PCLO: variants seen among roughly 807,000 people sequenced by gnomAD.
The protein encoded by PCLO is protein piccolo.
In PCLO, 82 loss-of-function variants were observed where a neutral mutation model predicts 427.5. The observed-to-expected ratio is 0.19, with a 90% CI of 0.16 to 0.23. The LOEUF is 0.23. Among genes scored for constraint, PCLO ranks in the 10% least tolerant of loss-of-function variants. The probability of loss-of-function intolerance (pLI) is 1.00; values close to 1 mark genes in which losing one functional copy is unlikely to be tolerated. For synonymous variants in PCLO, 2,357 were observed against 2,155.4 expected (o/e 1.09, Z -2.59); for missense variants, 6,239 against 6,115.9 (o/e 1.02, Z -0.67).
chr7:82,877,493 A>C (rs1793400673), intron 10 of PCLO, among the ~76,000 whole-genome samples: 1 of 152,142 alleles, frequency 6.6e-6, no homozygotes, highest in Admixed American at 6.6e-5. Context: ...GTAACACCAA[A>C]AATTATCATT....
chr7:82,839,264 T>C (rs887853319), intron 14 of PCLO, among the ~76,000 whole-genome samples: 1 of 152,136 alleles, frequency 6.6e-6, no homozygotes, highest in Non-Finnish European at 1.5e-5. Flanking sequence ...ATGCTGCATT[T>C]ATATTTAAAA....
intron 7 of PCLO, 44 bp downstream of exon 7, chr7:82,914,642 G>A: frequency 6.3e-7 from 1 of 1,589,080 alleles, no homozygotes; most frequent in Non-Finnish European, 8.6e-7. Context: ...AAAAATAAGA[G>A]TTTGAGTTTT....
intron 6 of PCLO, among the ~76,000 whole-genome samples, chr7:82,930,939 T>C (rs1794826055): frequency 6.6e-6 from 1 of 152,096 alleles, no homozygotes; most frequent in Non-Finnish European, 1.5e-5. Flanking sequence ...TAAATTTATA[T>C]ATGAAAAGTT....
chr7:83,061,627 C>T (rs1314719766), intron 3 of PCLO, among the ~76,000 whole-genome samples: 8 of 152,152 alleles, frequency 5.3e-5, no homozygotes, highest in Non-Finnish European at 1.2e-4. Context: ...CTTTTGCTTA[C>T]CATATATGTA....
intron 10 of PCLO, among the ~76,000 whole-genome samples, chr7:82,861,553 G>C (rs112622031): frequency 0.061 from 9,209 of 151,964 alleles, 377 homozygotes; most frequent in East Asian, 0.15. Flanking sequence ...ATAATAGCTG[G>C]AGACTTCAAA....
At chr7:82,762,711 A>G (rs934109088) in intron 22 of PCLO, among the ~76,000 whole-genome samples, 5 of 152,232 alleles carry the variant, frequency 3.3e-5, no homozygotes, top group African/African-American at 1.2e-4. Flanking sequence ...ACCAAAAAAA[A>G]TAGAGGTACT....
intron 16 of PCLO, 47 bp from the exon 17 acceptor site, chr7:82,828,013 T>C: frequency 9.4e-7 from 1 of 1,060,738 alleles, no homozygotes; most frequent in East Asian, 2.4e-5. Context: ...TCACCTTAGT[T>C]TATGACTTCA....
At chr7:83,047,877 C>T (rs1789140330) in intron 3 of PCLO, among the ~76,000 whole-genome samples, 2 of 151,852 alleles carry the variant, frequency 1.3e-5, no homozygotes, top group Admixed American at 6.6e-5. Context: ...TATCCATCTA[C>T]CTCTCACACA....
At position 82,843,071 on chromosome 7, in the gene PCLO, C is replaced by T. The variant is rs967809968; in HGVS notation, c.14047-1562G>A. Among the ~76,000 whole-genome samples, 4 of 151,990 alleles carry T rather than the reference C, an allele frequency of 2.6e-5. No homozygotes were observed. In the East Asian group the frequency reaches 5.8e-4, roughly 22 times the overall value. On this transcript the variant is annotated intron_variant, in intron 13 of 24. Transcript: ENST00000333891. ...CTGCTGAGCATATATCCAAAGGAAA[C>T]GAGATCAGTATGTCAGAGATACCAA...
intron 6 of PCLO, among the ~76,000 whole-genome samples, chr7:82,932,059 T>C (rs1794852296): frequency 2.6e-5 from 4 of 152,126 alleles, no homozygotes. Context: ...ATGTAGGAAG[T>C]ATATTTATTC....
At chr7:82,993,653 T>C (rs1796430089) in intron 3 of PCLO, among the ~76,000 whole-genome samples, 1 of 152,072 alleles carries the variant, frequency 6.6e-6, no homozygotes, top group South Asian at 2.1e-4. Flanking sequence ...CTTAATAGAC[T>C]ACAGTATAGT....
At chr7:82,930,604 A>G (rs1270848066) in intron 6 of PCLO, among the ~76,000 whole-genome samples, 1 of 152,204 alleles carries the variant, frequency 6.6e-6, no homozygotes, top group African/African-American at 2.4e-5. Context: ...CAAAGAGGTT[A>G]TAATAGAATG....
chr7:82,843,178 A>G lies in PCLO; in HGVS notation c.14047-1669T>C, dbSNP rs151041766. Among the ~76,000 whole-genome samples, 363 of 152,304 alleles carry G rather than the reference A, an allele frequency of 2.4e-3. 2 individuals are homozygous for G. Among genetic ancestry groups the G allele is most frequent in the Middle Eastern group, 6.8e-3 (2 of 294 alleles). On this transcript the variant is annotated intron_variant, in intron 13 of 24. Transcript: ENST00000333891. Reference sequence around the variant, plus strand: ...AGTGTCTATCAATTGATGATTAGGTAACGAAAATGTGTTACATATACACAA... The same window carrying G: ...AGTGTCTATCAATTGATGATTAGGTGACGAAAATGTGTTACATATACACAA...
At position 82,758,659 on chromosome 7, in the gene PCLO, G is replaced by C; in HGVS notation, c.15345C>G (p.Ala5115=). Residue 5115 remains alanine, a synonymous_variant, in exon 25 of 25, where the codon GCC becomes GCG. Coordinates refer to ENST00000333891, the MANE Select transcript of PCLO (RefSeq NM_033026.6). ...GATCCACTTTGTCAAGCCAGATACA[G>C]GCTTCACCAATCAAGGTCTTTTTCA... ...KFMKKTLIGE[A]CIWLDKVDLR... The C allele has an allele frequency of 1.2e-6, 2 of 1,609,906 alleles. No homozygotes were observed. Among genetic ancestry groups the C allele is most frequent in the South Asian group, 2.2e-5 (2 of 90,910 alleles).
At chr7:83,145,396 G>A (rs114086705) in intron 2 of PCLO, among the ~76,000 whole-genome samples, 2,249 of 152,102 alleles carry the variant, frequency 0.015, 77 homozygotes, top group African/African-American at 0.051. Flanking sequence ...TAACTTTAAG[G>A]ATATGTAAAT....
At chr7:82,919,854 T>C (rs1183602210) in intron 6 of PCLO, among the ~76,000 whole-genome samples, 1 of 152,020 alleles carries the variant, frequency 6.6e-6, no homozygotes, top group Non-Finnish European at 1.5e-5. Flanking sequence ...CTTAGACAGA[T>C]ATTTATTAAA....
chr7:82,969,202 A>G (rs1795848916), intron 3 of PCLO, among the ~76,000 whole-genome samples: 1 of 152,182 alleles, frequency 6.6e-6, no homozygotes, highest in South Asian at 2.1e-4. Flanking sequence ...TTTTCCTATA[A>G]TTTGAAATTT....
intron 10 of PCLO, among the ~76,000 whole-genome samples, chr7:82,870,417 C>A (rs371456233): frequency 3.9e-5 from 6 of 151,944 alleles, no homozygotes; most frequent in African/African-American, 1.4e-4. Context: ...AGCATTATCT[C>A]TTACATATCA....
In PCLO at chr7:83,094,433, T is replaced by C. The variant is rs148680532; in HGVS notation, c.3300+39817A>G. On this transcript the variant is annotated intron_variant, in intron 3 of 24. Transcript: ENST00000333891. ...CATGTTGGCCAGGATGGTCTCGATCTCTTGACCTCGTGATCCGCCTGCCTC... is the reference window on the plus strand; with the variant it reads ...CATGTTGGCCAGGATGGTCTCGATCCCTTGACCTCGTGATCCGCCTGCCTC... Among the ~76,000 whole-genome samples the C allele has an allele frequency of 9.9e-3, 1,509 of 152,192 alleles. 26 individuals carry two copies. Among genetic ancestry groups the C allele is most frequent in the African/African-American group, 0.033 (1,356 of 41,500 alleles).
Sources: gnomAD v4.1 joint callset for allele counts (sites outside exome capture counted in the v4.1 genomes callset) on GRCh38, gnomAD v4.1.1 for gene constraint, MANE v1.5 for transcripts, NCBI Gene and HGNC (gene_info 2026-07-23, HGNC 2026-07-21) for gene names.